The following CTNNAL1 variants were observed in gnomAD, a reference collection of about 807,000 sequenced individuals.
The protein encoded by CTNNAL1 is catenin alpha like 1, also known as alpha-catulin.
Under a neutral mutation model 93.6 loss-of-function variants are expected in CTNNAL1, and 69 were observed. That is an observed-to-expected ratio of 0.74 (90% confidence interval 0.61 to 0.90). CTNNAL1 has a LOEUF of 0.90. CTNNAL1 is among the 40% of genes least tolerant of loss of function. The pLI is 0.00. For synonymous variants in CTNNAL1, 286 were observed against 305.4 expected, an observed-to-expected ratio of 0.94 and a Z score of 0.66; for missense variants, 836 against 862.0, an observed-to-expected ratio of 0.97 and a Z score of 0.38.
chr9:109,009,777 ACTG>A (rs1827154646), intron 1 of CTNNAL1, among the ~76,000 whole-genome samples: 3 of 152,220 alleles, frequency 2.0e-5, no homozygotes, highest in African/African-American at 7.2e-5. Flanking sequence ...AATAGGGATA[ACTG>A]ATATGTCTAT....
intron 12 of CTNNAL1, 65 bp downstream of exon 12, chr9:108,955,725 C>T: frequency 7.3e-7 from 1 of 1,376,620 alleles, no homozygotes; most frequent in South Asian, 1.2e-5. Flanking sequence ...CAGCAACAGG[C>T]AACAAGAGCA....
In CTNNAL1 at chr9:108,943,044, C is replaced by T; in HGVS notation, c.2056G>A (p.Val686Ile). The change falls in exon 18 of 19, where the codon GTT becomes ATT. Residue 686 changes from valine to isoleucine, a missense_variant and splice_region_variant. By Grantham distance (29) the Val-to-Ile change is conservative (BLOSUM62 3). Transcript: ENST00000325551. ...CTTGTCTTCGTAATACACTTGTCAA[C>T]CTACAATGACAAAAAGCATGCAAAT... ...TSLQNKVFLKVDKCITKTRSM... is the reference protein window; with the variant it reads ...TSLQNKVFLKIDKCITKTRSM... The T allele has an allele frequency of 6.2e-7, 1 of 1,604,074 alleles. No homozygotes were observed. The highest frequency in any genetic ancestry group is 8.5e-7 in the Non-Finnish European group (1 of 1,177,184).
chr9:108,946,168 G>A (rs762610761), intron 15 of CTNNAL1, among the ~76,000 whole-genome samples: 8 of 151,830 alleles, frequency 5.3e-5, no homozygotes, highest in African/African-American at 9.7e-5. Flanking sequence ...GCGTGGTAGC[G>A]CACACCTGTA....
chr9:108,975,297 C>T (rs1001286071), intron 8 of CTNNAL1, among the ~76,000 whole-genome samples: 4 of 149,018 alleles, frequency 2.7e-5, no homozygotes, highest in Admixed American at 6.7e-5. Flanking sequence ...TGCCTCAAAG[C>T]GCAGGGAGCA....
intron 18 of CTNNAL1, 54 bp downstream of exon 18, chr9:108,942,907 T>A: frequency 6.2e-7 from 1 of 1,609,528 alleles, no homozygotes. Flanking sequence ...TAGTAACTAT[T>A]TTCTTTTAAA....
intron 2 of CTNNAL1, among the ~76,000 whole-genome samples, chr9:108,998,650 C>A (rs1271548321): frequency 6.6e-6 from 1 of 152,244 alleles, no homozygotes. Flanking sequence ...GGCTTCTGTG[C>A]TACCATCTAT....
intron 8 of CTNNAL1, 31 bp from the exon 9 acceptor site, chr9:108,972,864 G>GGGGGGGGGGCCCCCCCCCCCCCCCCCC: frequency 7.0e-6 from 1 of 142,584 alleles, no homozygotes; most frequent in Middle Eastern, 1.9e-3. Flanking sequence ...GGGGGGGTGG[G>GGGGGGGGGGCCCCCCCCCCCCCCCCCC]AGGGTGGAGA....
At chr9:109,001,840 C>A (rs1314261215) in intron 1 of CTNNAL1, among the ~76,000 whole-genome samples, 1 of 152,156 alleles carries the variant, frequency 6.6e-6, no homozygotes, top group Non-Finnish European at 1.5e-5. Flanking sequence ...TAGAATTAAC[C>A]CACAGAAACC....
chr9:108,999,583 A>G (rs1400041212), intron 1 of CTNNAL1, among the ~76,000 whole-genome samples: 1 of 152,204 alleles, frequency 6.6e-6, no homozygotes, highest in Non-Finnish European at 1.5e-5. Context: ...ACATTCAGAA[A>G]GCCAAAGTAC....
At chr9:108,995,028 C>T (rs147625913) in intron 2 of CTNNAL1, among the ~76,000 whole-genome samples, 2,390 of 152,308 alleles carry the variant, frequency 0.016, 29 homozygotes, top group Non-Finnish European at 0.025. Context: ...ACCGCTACCT[C>T]ATGAGACACA....
rs770908840 is a variant in CTNNAL1, at chr9:108,942,738, G to C, written c.*31C>G. 30 of 1,308,688 alleles carry C rather than the reference G, an allele frequency of 2.3e-5. No individual in the cohort carries two copies. The East Asian group carries it at 6.9e-4, about 30-fold the overall frequency. The allele number at this position is 1,308,688 out of a possible 1,614,324, so 81.1% of individuals were successfully genotyped here. A position where few individuals can be genotyped will look rare whatever the true frequency, so the allele number is the denominator to read the frequency against. Reference sequence around the variant, plus strand: ...TTTAAAAATGTCAGCTTCATCACATGATGTTCCAGAGATCTGACCCCAAAA... The same window carrying C: ...TTTAAAAATGTCAGCTTCATCACATCATGTTCCAGAGATCTGACCCCAAAA... On this transcript the variant is annotated 3_prime_UTR_variant, in exon 19 of 19. Transcript: ENST00000325551.
intron 4 of CTNNAL1, among the ~76,000 whole-genome samples, chr9:108,985,898 T>C (rs1250244760): frequency 1.3e-5 from 2 of 152,118 alleles, no homozygotes; most frequent in East Asian, 3.9e-4. Context: ...AAAGGGCTGG[T>C]CCACAGGACA....
Position 108,943,750 on chromosome 9 carries a change from G to C in CTNNAL1, c.2008C>G (p.Leu670Val). The C allele has an allele frequency of 6.2e-7, 1 of 1,613,852 alleles. No homozygotes were observed. The highest frequency in any genetic ancestry group is 8.5e-7 in the Non-Finnish European group (1 of 1,179,876). ...AAAGAAGTCTTAGTTACTGTCTGGA[G>C]CTGGTGGCATAGAGGAATTAGCTTG... ...INKLIPLCHQLQTVTKTSLQN... is the reference protein window; with the variant it reads ...INKLIPLCHQVQTVTKTSLQN... The change falls in exon 17 of 19, where the codon CTC becomes GTC. Residue 670 changes from leucine (L) to valine (V), a missense_variant. Coordinates refer to ENST00000325551, the MANE Select transcript of CTNNAL1 (RefSeq NM_003798.4).
chr9:108,953,937 A>G (rs1038016967), intron 12 of CTNNAL1, among the ~76,000 whole-genome samples: 3 of 152,190 alleles, frequency 2.0e-5, no homozygotes, highest in Non-Finnish European at 4.4e-5. Context: ...GGTCTAGTTG[A>G]CTATAAGGCA....
intron 8 of CTNNAL1, 31 bp from the exon 9 acceptor site, chr9:108,972,864 G>GGCCCCCCCCCCCCC: frequency 5.6e-5 from 8 of 142,544 alleles, no homozygotes; most frequent in Non-Finnish European, 8.1e-5. Context: ...GGGGGGGTGG[G>GGCCCCCCCCCCCCC]AGGGTGGAGA....
intron 10 of CTNNAL1, 76 bp from the exon 11 acceptor site, chr9:108,965,604 G>A (rs1830932399): frequency 4.0e-6 from 3 of 754,148 alleles, no homozygotes; most frequent in Non-Finnish European, 5.9e-6. Flanking sequence ...CCAAAGGTAA[G>A]TAAGTCTGCT....
Position 108,984,539 on chromosome 9 carries a change from T to C in CTNNAL1, c.640-103A>G, listed in dbSNP as rs556586675. 3.2e-4 allele frequency: 177 copies of C among 558,260 alleles called. 4 individuals are homozygous for C. In the South Asian group the frequency reaches 3.7e-3, roughly 12 times the overall value. The allele number at this position is 558,260 out of a possible 1,614,324, so 34.6% of individuals were successfully genotyped here. On this transcript the variant is annotated intron_variant, in intron 4 of 18. Coordinates refer to ENST00000325551, the MANE Select transcript of CTNNAL1 (RefSeq NM_003798.4). Reference sequence around the variant, plus strand: ...ACTAATACTCAAGAATTCACTAACATTGTTAAGTGAAAAAAAAAAAAAAAC... The same window carrying C: ...ACTAATACTCAAGAATTCACTAACACTGTTAAGTGAAAAAAAAAAAAAAAC...
chr9:108,973,860 TAAC>T (rs1200543281), intron 8 of CTNNAL1, among the ~76,000 whole-genome samples: 2 of 152,138 alleles, frequency 1.3e-5, no homozygotes, highest in African/African-American at 4.8e-5. Flanking sequence ...TCTCCAAAAT[TAAC>T]AATAGGATAC....
chr9:108,978,872 T>A (rs1831338790), intron 7 of CTNNAL1, among the ~76,000 whole-genome samples: 1 of 152,186 alleles, frequency 6.6e-6, no homozygotes, highest in Admixed American at 6.5e-5. Context: ...GAGGTAAGAA[T>A]TGTGTACATG....
Sources: gnomAD v4.1 joint callset for allele counts (sites outside exome capture counted in the v4.1 genomes callset) on GRCh38, gnomAD v4.1.1 for gene constraint, MANE v1.5 for transcripts, NCBI Gene and HGNC (gene_info 2026-07-23, HGNC 2026-07-21) for gene names.